Variants in SLC5A11 observed in about 807,000 individuals in gnomAD.
SLC5A11 encodes sodium/myo-inositol cotransporter 2.
SLC5A11 carries 48 observed loss-of-function variants against 69.8 expected under a neutral mutation model. The ratio of observed to expected loss-of-function variants is 0.69; its 90% confidence interval spans 0.55 to 0.87. The LOEUF is 0.87. Ranked by LOEUF, SLC5A11 falls within the 40% of genes least tolerant of loss-of-function variation. The pLI, the probability that SLC5A11 is intolerant of heterozygous loss-of-function variation, is 0.00. For synonymous variants in SLC5A11, 319 were observed against 342.4 expected (o/e 0.93, Z 0.75); for missense variants, 784 against 866.1 (o/e 0.91, Z 1.19).
chr16:24,898,829 T>G (rs1294924589), intron 10 of SLC5A11, among the ~76,000 whole-genome samples: 1 of 152,024 alleles, frequency 6.6e-6, no homozygotes, highest in Non-Finnish European at 1.5e-5. Context: ...TTTTTGCATT[T>G]TTTTAAAGAC....
chr16:24,890,648 A>G (rs966477466), intron 8 of SLC5A11, among the ~76,000 whole-genome samples: 1 of 152,114 alleles, frequency 6.6e-6, no homozygotes, highest in Non-Finnish European at 1.5e-5. Context: ...TACATTTTAC[A>G]TATTTGTAAT....
chr16:24,896,942 CTTTTT>C lies in SLC5A11; in HGVS notation c.871-1008_871-1004del, dbSNP rs869210839. On this transcript the variant is annotated intron_variant, in intron 9 of 15. Transcript: ENST00000347898. ...CACCAGGAGTTAGACAACCTCCTTC[CTTTTT>C]TTTTTTTTTTTTTTTTTTTTTTTGA... 9.5e-4 allele frequency among the ~76,000 whole-genome samples: 92 copies of C among 97,098 alleles called. 2 individuals are homozygous for C. The highest frequency in any genetic ancestry group is 0.011 in the Middle Eastern group (2 of 180). 63.7% of individuals were successfully genotyped at this position (97,098 alleles called of 152,430 possible).
At position 24,910,321 on chromosome 16, in the gene SLC5A11, T is replaced by G. The variant is rs371993218; in HGVS notation, c.1666T>G (p.Trp556Gly). Reference sequence around the variant, plus strand: ...TGCTCCTTAGGTCAGCCACCTGACCTGGTTTACTCGTCACGACCCCGTGGT... The same window carrying G: ...TGCTCCTTAGGTCAGCCACCTGACCGGGTTTACTCGTCACGACCCCGTGGT... Residue 556 changes from tryptophan (W) to glycine (G), a missense_variant, in exon 15 of 16, where the codon TGG becomes GGG. Coordinates refer to ENST00000347898, the Ensembl canonical transcript of SLC5A11. 565 of 1,614,048 alleles carry G rather than the reference T, an allele frequency of 3.5e-4. 8 individuals are homozygous for G. The South Asian group carries it at 5.8e-3, about 17-fold the overall frequency.
chr16:24,876,562 TG>T (rs35395333), intron 6 of SLC5A11, among the ~76,000 whole-genome samples: 3 of 152,018 alleles, frequency 2.0e-5, no homozygotes, highest in Admixed American at 2.0e-4. Context: ...GCTTGTCCTA[TG>T]GGAAGGGGTG....
intron 8 of SLC5A11, among the ~76,000 whole-genome samples, chr16:24,885,792 T>C (rs1013818341): frequency 1.3e-5 from 2 of 150,784 alleles, no homozygotes; most frequent in Non-Finnish European, 2.9e-5. Flanking sequence ...GAAGAAAATA[T>C]CAAGAGAGTG....
At chr16:24,899,311 A>G (rs1159074023) in intron 10 of SLC5A11, among the ~76,000 whole-genome samples, 2 of 152,146 alleles carry the variant, frequency 1.3e-5, no homozygotes, top group African/African-American at 2.4e-5. Flanking sequence ...GTGGTTCCAG[A>G]GCAGTTCTCT....
At chr16:24,909,446 C>G (rs972792724) in intron 14 of SLC5A11, among the ~76,000 whole-genome samples, 1 of 151,668 alleles carries the variant, frequency 6.6e-6, no homozygotes, top group East Asian at 1.9e-4. Flanking sequence ...TTGAGACCAG[C>G]CTGGGCAATA....
exon 8 of SLC5A11, chr16:24,884,104 A>G (rs771529760): frequency 6.2e-7 from 1 of 1,614,058 alleles, no homozygotes; most frequent in Non-Finnish European, 8.5e-7. Context: ...GATCATGCTT[A>G]TAGGAGCGCT....
At chr16:24,862,964 T>C (rs964456450) in intron 3 of SLC5A11, among the ~76,000 whole-genome samples, 47 of 138,348 alleles carry the variant, frequency 3.4e-4, no homozygotes, top group African/African-American at 1.3e-3. Flanking sequence ...TAATTATATA[T>C]TATATAATAT....
chr16:24,849,132 T>C (rs186835670), intron 1 of SLC5A11, among the ~76,000 whole-genome samples: 3 of 152,310 alleles, frequency 2.0e-5, no homozygotes, highest in Admixed American at 6.5e-5. Context: ...TAATGCCTTA[T>C]AGATGACTCA....
intron 2 of SLC5A11, 86 bp downstream of exon 3, chr16:24,858,864 C>G (rs969917357): frequency 6.8e-7 from 1 of 1,461,034 alleles, no homozygotes; most frequent in Non-Finnish European, 9.2e-7. Flanking sequence ...CCTTTTGGAG[C>G]TAAGATACTG....
intron 9 of SLC5A11, among the ~76,000 whole-genome samples, chr16:24,896,347 T>C (rs541505740): frequency 3.9e-5 from 6 of 152,054 alleles, no homozygotes; most frequent in East Asian, 1.9e-4. Context: ...TTTTAAAAAT[T>C]AGCTTGACAT....
chr16:24,908,268 G>T (rs971792073), intron 13 of SLC5A11, 137 bp downstream of exon 14: 50 of 967,136 alleles, frequency 5.2e-5, no homozygotes, highest in Non-Finnish European at 1.2e-5. Context: ...TCCATTGGTG[G>T]AAGATACAGG....
intron 9 of SLC5A11, among the ~76,000 whole-genome samples, chr16:24,893,601 C>A (rs184492729): frequency 2.0e-5 from 3 of 151,910 alleles, no homozygotes; most frequent in East Asian, 3.9e-4. Context: ...GACAGAGTCT[C>A]GCTCTGTTGC....
rs1296058586 is a variant in SLC5A11 at position 24,870,493 on chromosome 16, T to C, written c.312+488T>C. 5.0e-5 allele frequency among the ~76,000 whole-genome samples: 6 copies of C among 118,990 alleles called. No individual in the cohort carries two copies. The South Asian group carries it at 1.4e-3, about 27-fold the overall frequency. 78.1% of individuals were successfully genotyped at this position (118,990 alleles called of 152,430 possible). A position where few individuals can be genotyped will look rare whatever the true frequency, so the allele number is the denominator to read the frequency against. On this transcript the variant is annotated intron_variant, in intron 4 of 15. Coordinates refer to ENST00000347898, the Ensembl canonical transcript of SLC5A11. ...CCCAAAAAACACAAAAAAAAAACAA[T>C]AGTGGGTTGGGCGCGATGGCTCAGG... is the stretch of plus-strand genomic sequence containing the variant.
chr16:24,907,262 A>C, intron 12 of SLC5A11, 87 bp downstream of exon 13: 1 of 1,475,950 alleles, frequency 6.8e-7, no homozygotes, highest in Admixed American at 1.9e-5. Context: ...CCAGCAACCT[A>C]TCCAGGCTGA....
At chr16:24,899,158 CT>C (rs2049400305) in intron 10 of SLC5A11, among the ~76,000 whole-genome samples, 1 of 152,110 alleles carries the variant, frequency 6.6e-6, no homozygotes, top group African/African-American at 2.4e-5. Context: ...GCATCTCTGT[CT>C]AGGCATCTAG....
chr16:24,893,222 A>G (rs2048934222), intron 9 of SLC5A11, among the ~76,000 whole-genome samples: 1 of 151,046 alleles, frequency 6.6e-6, no homozygotes, highest in Admixed American at 6.6e-5. Flanking sequence ...CGGGAGGTGG[A>G]GTTTGCAGTG....
intron 5 of SLC5A11, among the ~76,000 whole-genome samples, chr16:24,874,695 C>G (rs920827839): frequency 2.0e-5 from 3 of 152,090 alleles, no homozygotes; most frequent in African/African-American, 7.2e-5. Flanking sequence ...CTCCGTCCCC[C>G]ACCACACACA....
Sources: allele counts gnomAD v4.1 joint callset (sites outside exome capture counted in the v4.1 genomes callset), GRCh38; gene constraint gnomAD v4.1.1; transcripts MANE v1.5; gene names NCBI Gene and HGNC (gene_info 2026-07-23, HGNC 2026-07-21).